CDH12: variants seen among roughly 807,000 people sequenced by gnomAD.
The protein encoded by CDH12 is cadherin 12.
Under a neutral mutation model 74.1 loss-of-function variants are expected in CDH12, and 41 were observed. That is an observed-to-expected ratio of 0.55 (90% confidence interval 0.43 to 0.72). The LOEUF (loss-of-function observed/expected upper bound fraction) is 0.72, where lower values mean the gene tolerates loss of function less well. CDH12 is among the 30% of genes least tolerant of loss of function. The pLI is 0.00. For synonymous variants in CDH12, 399 were observed against 355.0 expected (o/e 1.12, Z -1.39); for missense variants, 945 against 977.2 (o/e 0.97, Z 0.44).
At chr5:22,580,864 T>C (rs9637801) in intron 1 of CDH12, 25,034 of 171,778 alleles carry the variant, frequency 0.15, 2,433 homozygotes, top group Admixed American at 0.33. Context: ...ACTGGCGGCA[T>C]TTTGCCCATG....
At chr5:22,386,165 T>A (rs919062726) in intron 3 of CDH12, among the ~76,000 whole-genome samples, 1 of 152,098 alleles carries the variant, frequency 6.6e-6, no homozygotes, top group African/African-American at 2.4e-5. Context: ...GTGTTAAGAT[T>A]ACAGGCGTGA....
intron 4 of CDH12, among the ~76,000 whole-genome samples, chr5:22,105,237 A>G (rs1020807560): frequency 1.1e-4 from 16 of 148,880 alleles, no homozygotes; most frequent in African/African-American, 3.9e-4. Flanking sequence ...GATTACAGGC[A>G]TGCACCAGCA....
chr5:22,302,350 C>T (rs1451702376), intron 3 of CDH12, among the ~76,000 whole-genome samples: 4 of 152,046 alleles, frequency 2.6e-5, no homozygotes, highest in Non-Finnish European at 5.9e-5. Context: ...GATCTGGTAA[C>T]CTCATGTATA....
At chr5:21,938,723 C>CACATATATAT (rs1554046010) in intron 6 of CDH12, among the ~76,000 whole-genome samples, 14 of 112,048 alleles carry the variant, frequency 1.2e-4, no homozygotes, top group African/African-American at 5.2e-4. Context: ...ATATAATATA[C>CACATATATAT]ATATATATAT....
intron 5 of CDH12, among the ~76,000 whole-genome samples, chr5:22,056,186 T>C (rs1264406611): frequency 6.6e-6 from 1 of 152,160 alleles, no homozygotes; most frequent in Non-Finnish European, 1.5e-5. Context: ...TTCTCCATTA[T>C]GTATAATCAC....
At chr5:22,589,665 C>G (rs552756602) in intron 1 of CDH12, among the ~76,000 whole-genome samples, 1 of 152,282 alleles carries the variant, frequency 6.6e-6, no homozygotes, top group African/African-American at 2.4e-5. Flanking sequence ...GAACATCCCA[C>G]TCACGTGATT....
At chr5:22,628,622 G>A (rs984219274) in intron 1 of CDH12, among the ~76,000 whole-genome samples, 5 of 151,996 alleles carry the variant, frequency 3.3e-5, no homozygotes, top group African/African-American at 1.2e-4. Flanking sequence ...AGTTTATAGC[G>A]CTAAACACCA....
chr5:22,575,794 A>T (rs1442536813), intron 1 of CDH12, among the ~76,000 whole-genome samples: 1 of 151,882 alleles, frequency 6.6e-6, no homozygotes, highest in East Asian at 1.9e-4. Flanking sequence ...TGAACACCTG[A>T]CCTCAAGCGA....
intron 4 of CDH12, among the ~76,000 whole-genome samples, chr5:22,127,117 A>G (rs1745912766): frequency 6.6e-6 from 1 of 152,114 alleles, no homozygotes; most frequent in African/African-American, 2.4e-5. Flanking sequence ...GTCTATCAAA[A>G]ACAACTATAT....
intron 1 of CDH12, among the ~76,000 whole-genome samples, chr5:22,680,949 C>T (rs539200320): frequency 1.7e-4 from 26 of 152,160 alleles, no homozygotes; most frequent in Non-Finnish European, 2.8e-4. Context: ...AGCATGACTA[C>T]TTCACATTCA....
intron 4 of CDH12, among the ~76,000 whole-genome samples, chr5:22,204,167 T>G (rs1196144753): frequency 6.7e-6 from 1 of 148,340 alleles, no homozygotes; most frequent in South Asian, 2.1e-4. Flanking sequence ...TGTTTGTTTT[T>G]TTTTTTTTGT....
intron 1 of CDH12, among the ~76,000 whole-genome samples, chr5:22,649,110 G>A (rs761857390): frequency 5.9e-5 from 9 of 151,904 alleles, no homozygotes; most frequent in Non-Finnish European, 1.2e-4. Context: ...TGTCAAAAAA[G>A]GTAGGAGGGT....
chr5:21,980,648 G>C (rs915003155), intron 5 of CDH12, among the ~76,000 whole-genome samples: 2 of 151,966 alleles, frequency 1.3e-5, no homozygotes, highest in African/African-American at 4.8e-5. Context: ...TTATTTTTGT[G>C]TATGTGTGGG....
chr5:22,733,548 A>T (rs1744539722), intron 1 of CDH12, among the ~76,000 whole-genome samples: 1 of 151,056 alleles, frequency 6.6e-6, no homozygotes, highest in African/African-American at 2.4e-5. Context: ...TGGTTGATTT[A>T]TATGCGCCCA....
At chr5:22,112,262 C>CA (rs1222953210) in intron 4 of CDH12, among the ~76,000 whole-genome samples, 1 of 152,024 alleles carries the variant, frequency 6.6e-6, no homozygotes, top group Non-Finnish European at 1.5e-5. Context: ...TTCCCTAGGA[C>CA]AAGGGGAAAA....
At chr5:22,022,446 CT>C (rs1738052204) in intron 5 of CDH12, among the ~76,000 whole-genome samples, 1 of 152,042 alleles carries the variant, frequency 6.6e-6, no homozygotes, top group African/African-American at 2.4e-5. Context: ...CCAGCCATGC[CT>C]TCGTATAGCT....
At chr5:22,781,480 AC>A (rs746002648) in intron 1 of CDH12, among the ~76,000 whole-genome samples, 21 of 152,016 alleles carry the variant, frequency 1.4e-4, no homozygotes, top group Non-Finnish European at 2.6e-4. Context: ...TAAGCCAACA[AC>A]CCCCAAGTCT....
chr5:22,096,503 G>A (rs1245993388), intron 4 of CDH12, among the ~76,000 whole-genome samples: 1 of 151,946 alleles, frequency 6.6e-6, no homozygotes, highest in Non-Finnish European at 1.5e-5. Flanking sequence ...GCCAGGCAGA[G>A]CTAGGTGCCA....
At chr5:22,675,259 A>C (rs1373554963) in intron 1 of CDH12, among the ~76,000 whole-genome samples, 3 of 152,252 alleles carry the variant, frequency 2.0e-5, no homozygotes, top group Non-Finnish European at 4.4e-5. Flanking sequence ...GCCATGACTA[A>C]AAGGGCCAAC....
Sources: allele counts gnomAD v4.1 joint callset (sites outside exome capture counted in the v4.1 genomes callset), GRCh38; gene constraint gnomAD v4.1.1; transcripts MANE v1.5; gene names NCBI Gene and HGNC (gene_info 2026-07-23, HGNC 2026-07-21).